The following ROR2 variants were observed in gnomAD, a reference collection of about 807,000 sequenced individuals.
ROR2 encodes tyrosine-protein kinase transmembrane receptor ROR2.
Under a neutral mutation model 74.9 loss-of-function variants are expected in ROR2, and 33 were observed. That is an observed-to-expected ratio of 0.44 (90% CI 0.33 to 0.59). The LOEUF (loss-of-function observed/expected upper bound fraction) is 0.59. ROR2 is among the 20% of genes least tolerant of loss of function. The pLI is 0.02. For missense variants in ROR2, 1,216 were observed against 1,313.8 expected (o/e 0.93, Z 1.15); for synonymous variants, 586 against 558.7 (o/e 1.05, Z -0.69).
rs1196894198 is a variant in ROR2 at position 91,756,072 on chromosome 9, G to T, written c.493C>A (p.Gln165Lys). Residue 165 changes from glutamine (Q) to lysine (K), a missense_variant and splice_region_variant, in exon 4 of 9, where the codon CAG becomes AAG. Transcript: ENST00000375708. Reference protein sequence around the residue: ...GPTHSPNHNFQDDYHEDGFCQ... With the variant: ...GPTHSPNHNFKDDYHEDGFCQ... ...GGCTTGGGGAAAACAGATACTTACT[G>T]AAAGTTATGATTTGGGCTGTGCGTT... 2 of 1,613,834 alleles carry T rather than the reference G, an allele frequency of 1.2e-6. No individual in the cohort carries two copies. The highest frequency in any genetic ancestry group is 1.7e-6 in the Non-Finnish European group (2 of 1,179,810).
intron 1 of ROR2, among the ~76,000 whole-genome samples, chr9:91,809,329 C>G (rs748726475): frequency 2.0e-4 from 30 of 152,242 alleles, no homozygotes; most frequent in Non-Finnish European, 4.0e-4. Flanking sequence ...AGTTGAGACT[C>G]CTTTTCAGCT....
chr9:91,810,707 C>G (rs1479079870), intron 1 of ROR2, among the ~76,000 whole-genome samples: 2 of 152,226 alleles, frequency 1.3e-5, no homozygotes, highest in African/African-American at 4.8e-5. Flanking sequence ...CAACCGCAGG[C>G]AGCACCGGGA....
chr9:91,921,074 G>A (rs1442542539), intron 1 of ROR2, among the ~76,000 whole-genome samples: 1 of 152,256 alleles, frequency 6.6e-6, no homozygotes, highest in East Asian at 1.9e-4. Flanking sequence ...GGACACTCAT[G>A]TCCCATCCTC....
At chr9:91,837,381 G>A (rs1453063045) in intron 1 of ROR2, among the ~76,000 whole-genome samples, 2 of 152,096 alleles carry the variant, frequency 1.3e-5, no homozygotes, top group Non-Finnish European at 2.9e-5. Flanking sequence ...CTGCTTACTG[G>A]TCTTAAAACA....
chr9:91,819,919 AGTAT>A (rs1563981564), intron 1 of ROR2, among the ~76,000 whole-genome samples: 1 of 149,352 alleles, frequency 6.7e-6, no homozygotes, highest in African/African-American at 2.5e-5. Context: ...TCTGTCTTGG[AGTAT>A]GTGTCTGTGT....
At position 91,738,169 on chromosome 9, in the gene ROR2, G is replaced by T. The variant is rs550410386; in HGVS notation, c.495-651C>A. Among the ~76,000 whole-genome samples, 3 of 152,292 alleles carry T rather than the reference G, an allele frequency of 2.0e-5. No individual in the cohort carries two copies. The East Asian group carries it at 5.8e-4, about 29-fold the overall frequency. ...ACTACTGATTTTAGTTAATAATAAT[G>T]TTATCAATATTGGCTCAGCAGCAAT... On this transcript the variant is annotated intron_variant, in intron 4 of 8. Coordinates refer to ENST00000375708, the MANE Select transcript of ROR2 (RefSeq NM_004560.4).
intron 1 of ROR2, among the ~76,000 whole-genome samples, chr9:91,929,703 C>T (rs1003961399): frequency 2.0e-5 from 3 of 152,136 alleles, no homozygotes; most frequent in Non-Finnish European, 2.9e-5. Context: ...TCCAAGAAAA[C>T]CCAAAGGAGC....
rs934166733 is a variant in ROR2, at chr9:91,726,848, G to A, written c.1184-105C>T. 5.8e-5 allele frequency: 61 copies of A among 1,046,926 alleles called. No homozygotes were observed. In the African/African-American group the frequency reaches 6.7e-4, roughly 11 times the overall value. 64.9% of individuals were successfully genotyped at this position (1,046,926 alleles called of 1,614,324 possible). A position where few individuals can be genotyped will look rare whatever the true frequency, so the allele number is the denominator to read the frequency against. On this transcript the variant is annotated intron_variant, in intron 7 of 8. Coordinates refer to ENST00000375708, the MANE Select transcript of ROR2 (RefSeq NM_004560.4). ...CTCCAGCCAAAATCTTCACGTGCAC[G>A]TGTGTCATCACCTAAGTTACACAAT...
intron 1 of ROR2, among the ~76,000 whole-genome samples, chr9:91,843,673 G>A (rs563231674): frequency 1.3e-5 from 2 of 152,314 alleles, no homozygotes; most frequent in South Asian, 2.1e-4. Flanking sequence ...CATGCATGTC[G>A]ATGTCTGCAG....
intron 1 of ROR2, among the ~76,000 whole-genome samples, chr9:91,949,613 A>AGCCGCC: frequency 6.6e-6 from 1 of 151,292 alleles, no homozygotes; most frequent in South Asian, 2.1e-4. Flanking sequence ...AGAGGCTCCC[A>AGCCGCC]GCCGCCGCCG....
At chr9:91,914,186 G>A (rs1340100757) in intron 1 of ROR2, among the ~76,000 whole-genome samples, 1 of 152,058 alleles carries the variant, frequency 6.6e-6, no homozygotes, top group Non-Finnish European at 1.5e-5. Flanking sequence ...AAGAACTCAA[G>A]TACAAAGGCG....
intron 7 of ROR2, 147 bp from the exon 8 acceptor site, chr9:91,726,890 C>T (rs1374056377): frequency 3.8e-6 from 3 of 779,822 alleles, no homozygotes; most frequent in South Asian, 1.5e-5. Context: ...AAAGGGCACA[C>T]CACACCTTAA....
chr9:91,808,919 C>A (rs57252496), intron 1 of ROR2, among the ~76,000 whole-genome samples: 11,388 of 151,672 alleles, frequency 0.075, 787 homozygotes, highest in African/African-American at 0.18. Flanking sequence ...AGGAGAATGG[C>A]ATGAACCCGG....
intron 1 of ROR2, among the ~76,000 whole-genome samples, chr9:91,821,295 T>TCTGTGGCATTTTATTA (rs1413782400): frequency 1.3e-5 from 2 of 152,220 alleles, no homozygotes; most frequent in African/African-American, 2.4e-5. Flanking sequence ...AGCCACCCAG[T>TCTGTGGCATTTTATTA]CTGTGGCATT....
intron 1 of ROR2, among the ~76,000 whole-genome samples, chr9:91,824,992 G>C (rs10820906): frequency 0.36 from 54,809 of 152,138 alleles, 10,857 homozygotes; most frequent in African/African-American, 0.49. Flanking sequence ...TCTGGGCTTG[G>C]GTCCTGTTCC....
intron 1 of ROR2, among the ~76,000 whole-genome samples, chr9:91,842,757 A>G (rs984237409): frequency 6.6e-5 from 10 of 152,206 alleles, no homozygotes; most frequent in African/African-American, 2.4e-4. Context: ...TCCTTTCCCG[A>G]GAGCCCAGAG....
chr9:91,723,197 GCCC>G lies in ROR2; in HGVS notation c.*462_*464del, dbSNP rs1163768076. On this transcript the variant is annotated 3_prime_UTR_variant, in exon 9 of 9. Coordinates refer to ENST00000375708, the MANE Select transcript of ROR2 (RefSeq NM_004560.4). The stretch of plus-strand genomic sequence containing the variant: ...TCAGCAGGGAGGCAGCAGAAATGGA[GCCC>G]CTTCATCCTCAAACCAACAGACCAG... 173 of 164,162 alleles carry G rather than the reference GCCC, an allele frequency of 1.1e-3. No individual in the cohort carries two copies. The East Asian group carries it at 0.017, about 16-fold the overall frequency. 10.2% of individuals were successfully genotyped at this position (164,162 alleles called of 1,614,324 possible).
intron 1 of ROR2, among the ~76,000 whole-genome samples, chr9:91,881,648 A>G (rs1310405050): frequency 2.6e-5 from 4 of 152,304 alleles, no homozygotes; most frequent in Admixed American, 2.0e-4. Context: ...CTAAATACTG[A>G]CATACATGTA....
At chr9:91,933,035 A>T (rs1831591460) in intron 1 of ROR2, among the ~76,000 whole-genome samples, 1 of 152,218 alleles carries the variant, frequency 6.6e-6, no homozygotes, top group Non-Finnish European at 1.5e-5. Context: ...ACAGTGGCCT[A>T]TGATTACAGG....
Sources: gnomAD v4.1 joint callset for allele counts (sites outside exome capture counted in the v4.1 genomes callset) on GRCh38, gnomAD v4.1.1 for gene constraint, MANE v1.5 for transcripts, NCBI Gene and HGNC (gene_info 2026-07-23, HGNC 2026-07-21) for gene names.